The following CACHD1 variants were observed in gnomAD, a reference collection of about 807,000 sequenced individuals.
The protein encoded by CACHD1 is VWFA and cache domain-containing protein 1.
Under a neutral mutation model 138.7 loss-of-function variants are expected in CACHD1, and 71 were observed. The ratio of observed to expected loss-of-function variants is 0.51; its 90% CI spans 0.42 to 0.62. The LOEUF is 0.62. CACHD1 is among the 20% of genes least tolerant of loss of function. CACHD1 has a pLI of 0.00. For missense variants in CACHD1, 1,389 were observed against 1,625.3 expected (o/e 0.85, Z 2.50); for synonymous variants, 578 against 591.5 (o/e 0.98, Z 0.33).
intron 19 of CACHD1, among the ~76,000 whole-genome samples, chr1:64,674,006 A>G (rs1348244779): frequency 6.6e-6 from 1 of 152,218 alleles, no homozygotes; most frequent in African/African-American, 2.4e-5. Flanking sequence ...CATTCTCATT[A>G]ATTTATAAAT....
intron 4 of CACHD1, among the ~76,000 whole-genome samples, chr1:64,608,741 A>T (rs1200682923): frequency 6.6e-6 from 1 of 152,150 alleles, no homozygotes; most frequent in Non-Finnish European, 1.5e-5. Flanking sequence ...TCCTGCTTTT[A>T]TCCCTACTTT....
chr1:64,642,792 C>T (rs1004878708), intron 8 of CACHD1, among the ~76,000 whole-genome samples: 2 of 150,944 alleles, frequency 1.3e-5, no homozygotes, highest in African/African-American at 2.4e-5. Flanking sequence ...CGCCTGTAAT[C>T]CCAACACTTT....
At chr1:64,659,071 G>A (rs567914884) in intron 13 of CACHD1, among the ~76,000 whole-genome samples, 198 bp downstream of exon 13, 88 of 152,236 alleles carry the variant, frequency 5.8e-4, no homozygotes, top group African/African-American at 1.8e-3. Context: ...ACAAGGTTTC[G>A]TGTGCTCGCG....
chr1:64,569,716 G>C (rs74080437), intron 2 of CACHD1, among the ~76,000 whole-genome samples: 81 of 152,018 alleles, frequency 5.3e-4, no homozygotes, highest in African/African-American at 1.9e-3. Flanking sequence ...ATAGCTCTGC[G>C]ATCTATGTAT....
chr1:64,557,955 C>T (rs188295056), intron 2 of CACHD1, among the ~76,000 whole-genome samples: 40 of 152,184 alleles, frequency 2.6e-4, no homozygotes, highest in African/African-American at 7.9e-4. Context: ...TGTGCCTCCA[C>T]GCCCAGCTAA....
At chr1:64,494,515 C>G (rs985417340) in intron 1 of CACHD1, among the ~76,000 whole-genome samples, 1 of 152,178 alleles carries the variant, frequency 6.6e-6, no homozygotes, top group Non-Finnish European at 1.5e-5. Context: ...TGGGATGGTT[C>G]TAACGACAAA....
intron 7 of CACHD1, among the ~76,000 whole-genome samples, chr1:64,635,140 C>T (rs1220059192): frequency 2.0e-5 from 3 of 151,922 alleles, no homozygotes; most frequent in Non-Finnish European, 4.4e-5. Flanking sequence ...ACTCTTAGAG[C>T]CTCCCCTTCC....
chr1:64,489,198 TCTGTGTGTTTTCTATAAACCTTCAA>T (rs1413667134), intron 1 of CACHD1, among the ~76,000 whole-genome samples: 2 of 152,222 alleles, frequency 1.3e-5, no homozygotes, highest in African/African-American at 4.8e-5. Flanking sequence ...TCATTCTTCC[TCTGTGTGTTTTCTATAAACCTTCAA>T]CTTGGTTTTT....
intron 2 of CACHD1, among the ~76,000 whole-genome samples, chr1:64,559,679 A>G (rs1646824488): frequency 6.6e-6 from 1 of 152,154 alleles, no homozygotes; most frequent in African/African-American, 2.4e-5. Context: ...ACAAACCAAA[A>G]AAACAAGTTT....
At chr1:64,588,536 G>A (rs997444892) in intron 3 of CACHD1, among the ~76,000 whole-genome samples, 2 of 151,238 alleles carry the variant, frequency 1.3e-5, no homozygotes, top group African/African-American at 2.4e-5. Context: ...GCGCCACCAC[G>A]CCCAGCTAAT....
intron 1 of CACHD1, among the ~76,000 whole-genome samples, chr1:64,532,371 G>C (rs184806184): frequency 6.6e-6 from 1 of 152,284 alleles, no homozygotes; most frequent in East Asian, 1.9e-4. Context: ...TGCAGCATAC[G>C]TATTGTGGAG....
In CACHD1 at chr1:64,548,892, A is replaced by G. The variant is rs369839864; in HGVS notation, c.199-1702A>G. Among the ~76,000 whole-genome samples the G allele has an allele frequency of 4.6e-5, 7 of 152,224 alleles. No homozygotes were observed. In the East Asian group the frequency reaches 1.2e-3, roughly 25 times the overall value. On this transcript the variant is annotated intron_variant, in intron 1 of 26. Coordinates refer to ENST00000651257, the MANE Select transcript of CACHD1 (RefSeq NM_020925.4). ...CTGCATTATGTTCAGGTGTTAGCTC[A>G]TGACCGCAGCATCTTTTAATGTATG...
At chr1:64,628,575 TG>T (rs1648194359) in intron 4 of CACHD1, among the ~76,000 whole-genome samples, 1 of 152,054 alleles carries the variant, frequency 6.6e-6, no homozygotes, top group African/African-American at 2.4e-5. Flanking sequence ...GCTGAGGGAA[TG>T]GCAGACGCAG....
At chr1:64,678,398 C>T (rs1650065180) in intron 23 of CACHD1, 88 bp downstream of exon 23, 1 of 1,296,420 alleles carries the variant, frequency 7.7e-7, no homozygotes, top group Admixed American at 3.3e-5. Context: ...AATCCTCTTC[C>T]CAACTTCCCT....
At chr1:64,570,951 C>T (rs1459078649) in intron 2 of CACHD1, among the ~76,000 whole-genome samples, 1 of 152,014 alleles carries the variant, frequency 6.6e-6, no homozygotes, top group African/African-American at 2.4e-5. Context: ...ACCTCTGGAT[C>T]AACACTTACA....
At chr1:64,564,979 A>G (rs1426016951) in intron 2 of CACHD1, among the ~76,000 whole-genome samples, 1 of 151,456 alleles carries the variant, frequency 6.6e-6, no homozygotes, top group East Asian at 1.9e-4. Flanking sequence ...TTTAATACAT[A>G]TTTGTTGAAT....
chr1:64,494,793 A>G (rs1376585871), intron 1 of CACHD1, among the ~76,000 whole-genome samples: 2 of 152,224 alleles, frequency 1.3e-5, no homozygotes, highest in African/African-American at 2.4e-5. Context: ...CATTATGCTA[A>G]GGGTTAGAGT....
intron 1 of CACHD1, among the ~76,000 whole-genome samples, chr1:64,548,480 A>G (rs1305358170): frequency 6.6e-6 from 1 of 152,194 alleles, no homozygotes; most frequent in East Asian, 1.9e-4. Context: ...ATGGGTGGTA[A>G]TGACATTGAC....
intron 1 of CACHD1, among the ~76,000 whole-genome samples, chr1:64,515,676 C>T (rs1338203183): frequency 6.6e-6 from 1 of 152,114 alleles, no homozygotes; most frequent in African/African-American, 2.4e-5. Flanking sequence ...TTGTTAGCTC[C>T]CTAGCTGCCT....
Sources: allele counts gnomAD v4.1 joint callset (sites outside exome capture counted in the v4.1 genomes callset), GRCh38; gene constraint gnomAD v4.1.1; transcripts MANE v1.5; gene names NCBI Gene and HGNC (gene_info 2026-07-23, HGNC 2026-07-21).